The following TM9SF2 variants were observed in gnomAD, a reference collection of about 807,000 sequenced individuals.
The protein encoded by TM9SF2 is transmembrane 9 superfamily member 2.
In TM9SF2, 13 loss-of-function variants were observed where a neutral mutation model predicts 84.9. The ratio of observed to expected loss-of-function variants is 0.15; its 90% CI spans 0.10 to 0.24. The LOEUF (loss-of-function observed/expected upper bound fraction) is 0.24, where lower values mean the gene tolerates loss of function less well. TM9SF2 is among the 10% of genes least tolerant of loss of function. TM9SF2 has a pLI of 1.00. For missense variants in TM9SF2, 562 were observed against 818.5 expected, an observed-to-expected ratio of 0.69 and a Z score of 3.82; for synonymous variants, 273 against 285.8, an observed-to-expected ratio of 0.96 and a Z score of 0.45.
Position 99,541,664 on chromosome 13 carries a change from T to C in TM9SF2, c.1014T>C (p.Ser338=). 2 of 1,600,292 alleles carry C rather than the reference T, an allele frequency of 1.2e-6. No homozygotes were observed. The highest frequency in any genetic ancestry group is 1.1e-5 in the South Asian group (1 of 89,648). The change falls in exon 9 of 17, where the codon TCT becomes TCC. Residue 338 remains serine (S), a synonymous_variant. Transcript: ENST00000376387. ...KDIARYNQMD[S]TEDAQEEFGW... The stretch of plus-strand genomic sequence containing the variant: ...TTGCTAGATATAATCAGATGGACTC[T>C]ACGGTAAGTGGAAACATTTTAGTCT...
intron 1 of TM9SF2, among the ~76,000 whole-genome samples, chr13:99,508,502 T>A (rs1027780536): frequency 6.6e-5 from 10 of 151,842 alleles, no homozygotes; most frequent in African/African-American, 9.7e-5. Context: ...ATTTTTTTTT[T>A]AATATATGCT....
chr13:99,504,157 A>G (rs956108857), intron 1 of TM9SF2, among the ~76,000 whole-genome samples: 2 of 152,266 alleles, frequency 1.3e-5, no homozygotes, highest in Non-Finnish European at 2.9e-5. Context: ...TATTACTTCA[A>G]TCAGGATGTT....
intron 12 of TM9SF2, among the ~76,000 whole-genome samples, chr13:99,550,481 T>G (rs1161639218): frequency 6.6e-6 from 1 of 152,214 alleles, no homozygotes; most frequent in East Asian, 1.9e-4. Context: ...CTTTTTTGGC[T>G]TCATAAAAAT....
At chr13:99,562,539 G>A in intron 16 of TM9SF2, 152 bp from the exon 17 acceptor site, 1 of 599,602 alleles carries the variant, frequency 1.7e-6, no homozygotes, top group South Asian at 2.4e-5. Context: ...ATATTTTTCA[G>A]ACGTGCTCAT....
intron 1 of TM9SF2, among the ~76,000 whole-genome samples, chr13:99,515,115 A>G (rs185325458): frequency 8.1e-4 from 123 of 152,356 alleles, no homozygotes; most frequent in African/African-American, 2.8e-3. Flanking sequence ...CAAGAGGGAC[A>G]TGGCTTATGT....
chr13:99,544,908 T>C (rs987789712), intron 10 of TM9SF2, among the ~76,000 whole-genome samples: 1 of 152,206 alleles, frequency 6.6e-6, no homozygotes, highest in African/African-American at 2.4e-5. Flanking sequence ...CTTAGAGGTA[T>C]TGATAGCCAC....
intron 12 of TM9SF2, among the ~76,000 whole-genome samples, chr13:99,550,247 C>T (rs1417138083): frequency 6.6e-6 from 1 of 152,112 alleles, no homozygotes; most frequent in Non-Finnish European, 1.5e-5. Flanking sequence ...TTATTTCCAT[C>T]TCATTTCTTT....
intron 4 of TM9SF2, among the ~76,000 whole-genome samples, chr13:99,535,766 T>A (rs1472845691): frequency 6.6e-6 from 1 of 152,172 alleles, no homozygotes; most frequent in East Asian, 1.9e-4. Context: ...ATATAGCTGC[T>A]ATATTTTGAG....
chr13:99,538,845 G>T (rs1438251410), intron 6 of TM9SF2, among the ~76,000 whole-genome samples: 2 of 151,546 alleles, frequency 1.3e-5, no homozygotes, highest in African/African-American at 2.4e-5. Context: ...GCTGCAGTGA[G>T]CCAAGATCAC....
chr13:99,545,571 TTTC>T (rs2046278926), intron 10 of TM9SF2, among the ~76,000 whole-genome samples: 1 of 149,364 alleles, frequency 6.7e-6, no homozygotes, highest in Admixed American at 6.8e-5. Flanking sequence ...GCTTTCTTTC[TTTC>T]TTTTTTTTTT....
intron 13 of TM9SF2, among the ~76,000 whole-genome samples, chr13:99,553,608 T>C (rs572003784): frequency 4.6e-5 from 7 of 152,344 alleles, no homozygotes; most frequent in African/African-American, 1.7e-4. Flanking sequence ...AATGAAAATA[T>C]CAAGTTTTAA....
At chr13:99,538,177 G>A (rs1459069654) in intron 6 of TM9SF2, among the ~76,000 whole-genome samples, 3 of 152,148 alleles carry the variant, frequency 2.0e-5, no homozygotes, top group South Asian at 4.1e-4. Flanking sequence ...CCTTCGTGGT[G>A]GAAAGAACAC....
intron 2 of TM9SF2, 143 bp downstream of exon 2, chr13:99,517,824 GTGATCTTTTTT>G: frequency 2.3e-6 from 1 of 426,132 alleles, no homozygotes; most frequent in South Asian, 8.5e-5. Flanking sequence ...GGTTAAAAAT[GTGATCTTTTTT>G]TTAATGTTTC....
At chr13:99,527,450 A>G (rs1441050770) in intron 3 of TM9SF2, among the ~76,000 whole-genome samples, 1 of 152,210 alleles carries the variant, frequency 6.6e-6, no homozygotes, top group Non-Finnish European at 1.5e-5. Flanking sequence ...AAAGCCCCTT[A>G]TAAAACCATC....
chr13:99,502,155 C>T (rs1244708537), intron 1 of TM9SF2, among the ~76,000 whole-genome samples: 1 of 152,216 alleles, frequency 6.6e-6, no homozygotes, highest in Non-Finnish European at 1.5e-5. Flanking sequence ...AGCCCTGTAA[C>T]ATGTACGCTG....
chr13:99,518,052 A>C (rs901655435), intron 2 of TM9SF2, among the ~76,000 whole-genome samples: 2 of 152,334 alleles, frequency 1.3e-5, no homozygotes, highest in East Asian at 3.9e-4. Flanking sequence ...AAATAGTCTA[A>C]TCTATATAAT....
At chr13:99,519,849 AT>A (rs1195629925) in intron 2 of TM9SF2, among the ~76,000 whole-genome samples, 186 bp from the exon 3 acceptor site, 1 of 152,176 alleles carries the variant, frequency 6.6e-6, no homozygotes, top group Non-Finnish European at 1.5e-5. Flanking sequence ...CGAAGGCATA[AT>A]TTTAGGTGTT....
chr13:99,525,643 C>T (rs1470251839), intron 3 of TM9SF2, among the ~76,000 whole-genome samples: 2 of 151,470 alleles, frequency 1.3e-5, no homozygotes, highest in African/African-American at 4.9e-5. Context: ...GCAAGCTCCA[C>T]CTGCCGAGTT....
At chr13:99,526,708 C>T (rs924044162) in intron 3 of TM9SF2, among the ~76,000 whole-genome samples, 8 of 151,926 alleles carry the variant, frequency 5.3e-5, no homozygotes, top group Admixed American at 3.3e-4. Context: ...GAGGAGAGGG[C>T]AGAGGATCAA....
Sources: gnomAD v4.1 joint callset for allele counts (sites outside exome capture counted in the v4.1 genomes callset) on GRCh38, gnomAD v4.1.1 for gene constraint, MANE v1.5 for transcripts, NCBI Gene and HGNC (gene_info 2026-07-23, HGNC 2026-07-21) for gene names.